The following SNRNP70 variants were observed in gnomAD, a reference collection of about 807,000 sequenced individuals.
The protein encoded by SNRNP70 is small nuclear ribonucleoprotein U1 subunit 70.
SNRNP70 carries 8 observed loss-of-function variants against 50.5 expected under a neutral mutation model. That is an observed-to-expected ratio of 0.16 (90% CI 0.09 to 0.29). The LOEUF (loss-of-function observed/expected upper bound fraction) is 0.29. Among genes scored for constraint, SNRNP70 ranks in the 10% least tolerant of loss-of-function variants. The pLI, the probability that SNRNP70 is intolerant of heterozygous loss-of-function variation, is 1.00. For missense variants in SNRNP70, 529 were observed against 663.5 expected, an observed-to-expected ratio of 0.80 and a Z score of 2.23; for synonymous variants, 320 against 252.9, an observed-to-expected ratio of 1.27 and a Z score of -2.52.
chr19:49,085,744 C>T (rs2040369365), intron 1 of SNRNP70, 108 bp downstream of exon 1: 5 of 436,808 alleles, frequency 1.1e-5, no homozygotes, highest in East Asian at 7.1e-5. Flanking sequence ...TCCCGCGTCC[C>T]CGCCACAGGT....
Position 49,098,354 on chromosome 19 carries a change from G to C in SNRNP70, c.266-73G>C. The C allele has an allele frequency of 7.3e-6, 9 of 1,239,600 alleles. No homozygotes were observed. In the South Asian group the frequency reaches 1.2e-4, roughly 17 times the overall value. The allele number at this position is 1,239,600 out of a possible 1,614,324, so 76.8% of individuals were successfully genotyped here. A position where few individuals can be genotyped will look rare whatever the true frequency, so the allele number is the denominator to read the frequency against. On this transcript the variant is annotated intron_variant, in intron 4 of 9. Transcript: ENST00000598441. ...TGCCACCGTTTTCTTCTTGGCCTCT[G>C]CCCATCGTATTTGTTTTGCTACCTG...
intron 4 of SNRNP70, among the ~76,000 whole-genome samples, chr19:49,091,427 ACGTT>A (rs2040445979): frequency 6.6e-6 from 1 of 152,038 alleles, no homozygotes; most frequent in Non-Finnish European, 1.5e-5. Context: ...TGCTTTGATA[ACGTT>A]TAGATGCACA....
chr19:49,108,423 A>T lies in SNRNP70; in HGVS notation c.1294A>T (p.Met432Leu). The change falls in exon 10 of 10, where the codon ATG becomes TTG. Residue 432 changes from methionine to leucine, a missense_variant. Around this residue, in one of 4 missense-constraint regions of SNRNP70, gnomAD observed 327 missense variants for 308.8 expected, o/e 1.06. Transcript: ENST00000598441. Reference protein sequence around the residue: ...GYLAPENGYLMEAAPE With the variant: ...GYLAPENGYLLEAAPE The stretch of plus-strand genomic sequence containing the variant: ...CCTGGCTCCGGAGAATGGGTATTTG[A>T]TGGAGGCTGCGCCGGAGTGAAGAGG... 6.2e-7 allele frequency: 1 copy of T among 1,607,932 alleles called. No homozygotes were observed. The highest frequency in any genetic ancestry group is 1.7e-4 in the Middle Eastern group (1 of 6,052).
intron 4 of SNRNP70, among the ~76,000 whole-genome samples, chr19:49,092,046 C>T (rs2040453538): frequency 6.6e-6 from 1 of 152,176 alleles, no homozygotes; most frequent in Admixed American, 6.5e-5. Context: ...CCACCCAGGT[C>T]ACCTCTTGCC....
chr19:49,102,191 T>TATC, intron 7 of SNRNP70: 1 of 1,289,050 alleles, frequency 7.8e-7, no homozygotes, highest in Non-Finnish European at 1.0e-6. Context: ...TAAGGGTTTG[T>TATC]ATCATGGGTA....
intron 2 of SNRNP70, among the ~76,000 whole-genome samples, chr19:49,087,014 C>A (rs1298497714): frequency 6.6e-6 from 1 of 151,798 alleles, no homozygotes; most frequent in Non-Finnish European, 1.5e-5. Flanking sequence ...GGTGAAACCA[C>A]GTCTCTGCTA....
rs1313246937 is a variant in SNRNP70 at position 49,108,236 on chromosome 19, T to C, written c.1107T>C (p.Asp369=). 14 of 1,539,520 alleles carry C rather than the reference T, an allele frequency of 9.1e-6. No homozygotes were observed. The African/African-American group carries it at 9.7e-5, about 11-fold the overall frequency. Residue 369 remains aspartate (D), a synonymous_variant, in exon 10 of 10, where the codon GAT becomes GAC. Coordinates refer to ENST00000598441, the MANE Select transcript of SNRNP70 (RefSeq NM_003089.6). Reference sequence around the variant, plus strand: ...AGCGCGAGCGGCGCCGGGACCGGGATCGTGACCGTGACCGTGACCGCGAGC... The same window carrying C: ...AGCGCGAGCGGCGCCGGGACCGGGACCGTGACCGTGACCGTGACCGCGAGC... ...RSERERRRDR[D]RDRDRDREHK...
intron 6 of SNRNP70, among the ~76,000 whole-genome samples, chr19:49,099,786 T>C (rs1180524022): frequency 6.6e-6 from 1 of 150,684 alleles, no homozygotes; most frequent in Non-Finnish European, 1.5e-5. Context: ...CTCACGCCTG[T>C]AATCCCACAT....
chr19:49,106,723 G>A (rs1011106764), intron 8 of SNRNP70, among the ~76,000 whole-genome samples: 2 of 152,222 alleles, frequency 1.3e-5, no homozygotes, highest in Admixed American at 1.3e-4. Flanking sequence ...CTGTGGGCCA[G>A]TGACTTGATC....
At chr19:49,098,603 T>C in intron 5 of SNRNP70, 39 bp from the exon 6 acceptor site, 1 of 1,594,462 alleles carries the variant, frequency 6.3e-7, no homozygotes, top group Non-Finnish European at 8.6e-7. Context: ...GTGGGACAGC[T>C]CTGTTCTCCC....
intron 4 of SNRNP70, among the ~76,000 whole-genome samples, chr19:49,092,728 C>G (rs546146213): frequency 2.0e-5 from 3 of 152,098 alleles, no homozygotes; most frequent in African/African-American, 7.2e-5. Context: ...TATATCTTAA[C>G]CAACCACATC....
rs763915211 is a variant in SNRNP70, at chr19:49,107,482, T to A, written c.578-143T>A. On this transcript the variant is annotated intron_variant, in intron 8 of 9. Transcript: ENST00000598441. The surrounding 1 kb of genome is among the most constrained non-coding windows in gnomAD (Gnocchi z 6.0). Reference sequence around the variant, plus strand: ...TGTCTTGTGATGGGAGTGCGCGGGATGAACTGCACGGGGGGACCCGGCCCT... The same window carrying A: ...TGTCTTGTGATGGGAGTGCGCGGGAAGAACTGCACGGGGGGACCCGGCCCT... 3 of 701,636 alleles carry A rather than the reference T, an allele frequency of 4.3e-6. No homozygotes were observed. The highest frequency in any genetic ancestry group is 7.4e-6 in the Non-Finnish European group (3 of 404,114). The allele number at this position is 701,636 out of a possible 1,614,324, so 43.5% of individuals were successfully genotyped here. A position where few individuals can be genotyped will look rare whatever the true frequency, so the allele number is the denominator to read the frequency against.
intron 4 of SNRNP70, among the ~76,000 whole-genome samples, chr19:49,096,735 C>T (rs1414134943): frequency 6.6e-6 from 1 of 151,710 alleles, no homozygotes; most frequent in Non-Finnish European, 1.5e-5. Flanking sequence ...CCATCCATTG[C>T]ACTGACCTTG....
intron 4 of SNRNP70, among the ~76,000 whole-genome samples, chr19:49,093,351 G>A (rs1323604461): frequency 6.6e-6 from 1 of 152,014 alleles, no homozygotes; most frequent in East Asian, 2.0e-4. Context: ...CTCCCAAAGT[G>A]CTGGGATTAC....
At chr19:49,105,249 T>G (rs190897905) in intron 8 of SNRNP70, among the ~76,000 whole-genome samples, 253 of 152,270 alleles carry the variant, frequency 1.7e-3, no homozygotes, top group Middle Eastern at 0.01. Flanking sequence ...CTGAGCCTCC[T>G]GCATTCGGTC....
intron 8 of SNRNP70, among the ~76,000 whole-genome samples, chr19:49,105,594 G>A (rs959726022): frequency 2.6e-5 from 4 of 152,126 alleles, no homozygotes; most frequent in African/African-American, 9.7e-5. Flanking sequence ...GGGCGTGGTG[G>A]CGGGTGCCTG....
intron 4 of SNRNP70, chr19:49,090,737 C>T: frequency 3.4e-6 from 2 of 585,032 alleles, no homozygotes; most frequent in South Asian, 2.1e-5. Flanking sequence ...AAGGGAGACC[C>T]CTGGTACCTT....
intron 4 of SNRNP70, among the ~76,000 whole-genome samples, chr19:49,092,092 A>G (rs565884449): frequency 4.0e-5 from 6 of 151,242 alleles, no homozygotes; most frequent in Non-Finnish European, 7.4e-5. Flanking sequence ...TAGTTTACCT[A>G]TGTCTTTTTG....
rs1479349740 is a variant in SNRNP70, at chr19:49,104,572, T to C, written c.476-62T>C. ...GGCGGGGATTCTGTAGAGCTGGGCC[T>C]GTCCTGACTAGAGGACCCTCTGGGG... On this transcript the variant is annotated intron_variant, in intron 7 of 9. Transcript: ENST00000598441. This position sits in a 1 kb window ranked among gnomAD's most constrained non-coding sequence, Gnocchi z 5.4. 1 of 1,268,166 alleles carries C rather than the reference T, an allele frequency of 7.9e-7. No individual in the cohort carries two copies. The highest frequency in any genetic ancestry group is 1.1e-6 in the Non-Finnish European group (1 of 890,572). The allele number at this position is 1,268,166 out of a possible 1,614,324, so 78.6% of individuals were successfully genotyped here.
Sources: gnomAD v4.1 joint callset for allele counts (sites outside exome capture counted in the v4.1 genomes callset) on GRCh38, gnomAD v4.1.1 for gene constraint, gnomAD v4.1.1 regional missense constraint, Gnocchi (gnomAD v3.1) non-coding constraint, MANE v1.5 for transcripts, NCBI Gene and HGNC (gene_info 2026-07-23, HGNC 2026-07-21) for gene names.